AGBL4: variants seen among roughly 807,000 people sequenced by gnomAD.
The protein encoded by AGBL4 is cytosolic carboxypeptidase 6.
Under a neutral mutation model 66.4 loss-of-function variants are expected in AGBL4, and 58 were observed. The ratio of observed to expected loss-of-function variants is 0.87; its 90% confidence interval spans 0.71 to 1.09. AGBL4 has a LOEUF of 1.09. AGBL4 is among the 50% of genes least tolerant of loss of function. The probability of loss-of-function intolerance (pLI) is 0.00; values close to 1 mark genes in which losing one functional copy is unlikely to be tolerated. For missense variants in AGBL4, 579 were observed against 631.0 expected (o/e 0.92, Z 0.88); for synonymous variants, 234 against 222.9 (o/e 1.05, Z -0.44).
chr1:49,502,558 G>A lies in AGBL4; in HGVS notation c.282+194755C>T, dbSNP rs368895196. Reference sequence around the variant, plus strand: ...TTGAAACTTCCTAGAGACTTGGAGGGCTAAGAAGAAAAAATGATGTGGAAA... The same window carrying A: ...TTGAAACTTCCTAGAGACTTGGAGGACTAAGAAGAAAAAATGATGTGGAAA... On this transcript the variant is annotated intron_variant, in intron 3 of 13. Coordinates refer to ENST00000371839, the MANE Select transcript of AGBL4 (RefSeq NM_032785.4). Among the ~76,000 whole-genome samples, 82 of 152,128 alleles carry A rather than the reference G, an allele frequency of 5.4e-4. 2 individuals are homozygous for A. In the South Asian group the frequency reaches 0.015, roughly 27 times the overall value.
intron 11 of AGBL4, among the ~76,000 whole-genome samples, chr1:48,578,625 G>A (rs1309904921): frequency 1.3e-5 from 2 of 152,092 alleles, no homozygotes; most frequent in African/African-American, 4.8e-5. Flanking sequence ...CAAATATCTA[G>A]GCAGTACCCA....
chr1:49,212,415 G>A (rs1648745286), intron 4 of AGBL4, among the ~76,000 whole-genome samples: 1 of 152,088 alleles, frequency 6.6e-6, no homozygotes, highest in Admixed American at 6.6e-5. Context: ...AGCTCAAATA[G>A]TCTATGATCG....
intron 11 of AGBL4, among the ~76,000 whole-genome samples, chr1:48,582,500 C>T (rs926996929): frequency 3.3e-5 from 5 of 152,098 alleles, no homozygotes; most frequent in Admixed American, 1.3e-4. Context: ...CCCGTAATAG[C>T]GTGGAGTCAG....
intron 3 of AGBL4, among the ~76,000 whole-genome samples, chr1:49,264,757 C>T (rs1204485094): frequency 6.6e-6 from 1 of 152,164 alleles, no homozygotes; most frequent in Non-Finnish European, 1.5e-5. Context: ...GTTGCCCAGG[C>T]TGGTCTCGAA....
downstream of AGBL4, among the ~76,000 whole-genome samples, chr1:48,531,931 G>C (rs919235729): frequency 6.6e-6 from 1 of 152,064 alleles, no homozygotes; most frequent in Middle Eastern, 3.4e-3. Flanking sequence ...TTACAGGTGC[G>C]TGCCACCACG....
At chr1:49,127,691 G>A (rs1053317035) in intron 4 of AGBL4, among the ~76,000 whole-genome samples, 5 of 152,028 alleles carry the variant, frequency 3.3e-5, no homozygotes, top group African/African-American at 9.7e-5. Context: ...TTGAACAGTG[G>A]AAATTTCTCA....
At chr1:49,327,503 A>G (rs1366055060) in intron 3 of AGBL4, among the ~76,000 whole-genome samples, 2 of 152,220 alleles carry the variant, frequency 1.3e-5, no homozygotes, top group East Asian at 1.9e-4. Flanking sequence ...GCTGGGAAAT[A>G]AAAAATCAAG....
At chr1:49,051,125 G>A (rs976009716) in intron 4 of AGBL4, among the ~76,000 whole-genome samples, 2 of 151,912 alleles carry the variant, frequency 1.3e-5, no homozygotes, top group Non-Finnish European at 2.9e-5. Flanking sequence ...AATACAGATG[G>A]GAATAAAGGT....
intron 3 of AGBL4, among the ~76,000 whole-genome samples, chr1:49,603,282 A>G (rs1398160505): frequency 6.6e-6 from 1 of 152,150 alleles, no homozygotes; most frequent in Admixed American, 6.6e-5. Context: ...TGGTCTCTAT[A>G]AACTAAGATC....
At chr1:49,823,006 C>G (rs1645409023) in intron 2 of AGBL4, among the ~76,000 whole-genome samples, 1 of 152,138 alleles carries the variant, frequency 6.6e-6, no homozygotes, top group African/African-American at 2.4e-5. Flanking sequence ...TCTCCTCACA[C>G]CAGTTAGATA....
chr1:49,935,184 C>G (rs1047956118), intron 1 of AGBL4, among the ~76,000 whole-genome samples: 2 of 152,232 alleles, frequency 1.3e-5, no homozygotes, highest in Non-Finnish European at 2.9e-5. Flanking sequence ...AGATTATATC[C>G]CGCACATGGC....
chr1:48,604,284 T>G (rs1037884913), intron 9 of AGBL4, among the ~76,000 whole-genome samples: 1 of 152,172 alleles, frequency 6.6e-6, no homozygotes, highest in Non-Finnish European at 1.5e-5. Context: ...GGTTTCTGGA[T>G]TGAGGGGGGG....
intron 6 of AGBL4, among the ~76,000 whole-genome samples, chr1:48,809,092 T>A (rs971806577): frequency 6.6e-6 from 1 of 152,176 alleles, no homozygotes; most frequent in Non-Finnish European, 1.5e-5. Context: ...GGCCTGAAAT[T>A]AGCACAGCAG....
intron 5 of AGBL4, among the ~76,000 whole-genome samples, chr1:48,925,798 A>T (rs974538680): frequency 1.3e-5 from 2 of 152,190 alleles, no homozygotes; most frequent in Non-Finnish European, 2.9e-5. Context: ...ATGCATATGT[A>T]TGTAAAGTTT....
intron 3 of AGBL4, among the ~76,000 whole-genome samples, chr1:49,503,665 A>T (rs1648406509): frequency 6.6e-6 from 1 of 152,158 alleles, no homozygotes; most frequent in Non-Finnish European, 1.5e-5. Flanking sequence ...GTCAAAGAAG[A>T]TCATTTTGGA....
chr1:49,651,717 C>T (rs373175916), intron 3 of AGBL4, among the ~76,000 whole-genome samples: 5 of 151,878 alleles, frequency 3.3e-5, no homozygotes, highest in Non-Finnish European at 5.9e-5. Flanking sequence ...AAAGAAATCC[C>T]ACTCAAACAA....
chr1:48,885,172 T>C (rs1399258774), intron 5 of AGBL4, among the ~76,000 whole-genome samples: 2 of 152,184 alleles, frequency 1.3e-5, no homozygotes, highest in Non-Finnish European at 2.9e-5. Flanking sequence ...ATGATTTATA[T>C]ATTTTTAAAT....
intron 1 of AGBL4, among the ~76,000 whole-genome samples, chr1:49,855,297 AC>A (rs1449382862): frequency 6.6e-6 from 1 of 152,242 alleles, no homozygotes; most frequent in Admixed American, 6.5e-5. Flanking sequence ...AGAGAAATAA[AC>A]CCCAATACAA....
chr1:49,765,666 A>G (rs755653050), intron 2 of AGBL4, among the ~76,000 whole-genome samples: 1 of 152,144 alleles, frequency 6.6e-6, no homozygotes, highest in Non-Finnish European at 1.5e-5. Flanking sequence ...GCTAAGCAAG[A>G]TCCAAAACAA....
Sources: allele counts gnomAD v4.1 joint callset (sites outside exome capture counted in the v4.1 genomes callset), GRCh38; gene constraint gnomAD v4.1.1; transcripts MANE v1.5; gene names NCBI Gene and HGNC (gene_info 2026-07-23, HGNC 2026-07-21).